The following LRRC27 variants were observed in gnomAD, a reference collection of about 807,000 sequenced individuals.
LRRC27 encodes leucine-rich repeat-containing protein 27.
A neutral mutation model predicts 55.0 loss-of-function variants in LRRC27; 57 were observed. The ratio of observed to expected loss-of-function variants is 1.04; its 90% confidence interval spans 0.84 to 1.29. The LOEUF is 1.29. Ranked by LOEUF, LRRC27 falls within the 50% of genes most tolerant of loss-of-function variation. The pLI is 0.00. For missense variants in LRRC27, 721 were observed against 651.5 expected (o/e 1.11, Z -1.16); for synonymous variants, 278 against 251.9 (o/e 1.10, Z -0.98).
At chr10:132,344,417 A>C (rs2067572307) in intron 4 of LRRC27, 81 bp from the exon 5 acceptor site, 1 of 1,387,748 alleles carries the variant, frequency 7.2e-7, no homozygotes, top group Non-Finnish European at 9.8e-7. Flanking sequence ...TAAAATGTGA[A>C]AAGTTACTAT....
Position 132,333,571 on chromosome 10 carries a change from A to T in LRRC27, c.47A>T (p.Asp16Val). 5 of 1,611,378 alleles carry T rather than the reference A, an allele frequency of 3.1e-6. No homozygotes were observed. Among genetic ancestry groups the T allele is most frequent in the Non-Finnish European group, 4.2e-6 (5 of 1,179,414 alleles). Residue 16 changes from aspartate (D) to valine (V), a missense_variant, in exon 2 of 11, where the codon GAT (aspartate) becomes GTT (valine). Transcript: ENST00000368614. ...SYEVPSVAAA[D>V]LEEGAGQTRS... The stretch of plus-strand genomic sequence containing the variant: ...GAAGTTCCCTCTGTGGCTGCTGCTG[A>T]TCTGGAGGAGGGTGCTGGTCAGACT...
In LRRC27 at chr10:132,344,170, G is replaced by C. The variant is rs1317889689; in HGVS notation, c.401-328G>C. On this transcript the variant is annotated intron_variant, in intron 4 of 10. Coordinates refer to ENST00000368614, the MANE Select transcript of LRRC27 (RefSeq NM_030626.3). ...CATTTTCCTTTTCTTTGCATGTCTGGTAGTTTTTATGTGGAAAATGGGCAT... is the reference window on the plus strand; with the variant it reads ...CATTTTCCTTTTCTTTGCATGTCTGCTAGTTTTTATGTGGAAAATGGGCAT... Among the ~76,000 whole-genome samples the C allele has an allele frequency of 2.0e-5, 3 of 152,110 alleles. No homozygotes were observed. The South Asian group carries it at 6.2e-4, about 31-fold the overall frequency.
intron 5 of LRRC27, among the ~76,000 whole-genome samples, chr10:132,346,486 C>G (rs1403278006): frequency 1.3e-5 from 2 of 152,120 alleles, no homozygotes; most frequent in Non-Finnish European, 2.9e-5. Flanking sequence ...ACCATCCTGG[C>G]TAACATGGTG....
intron 9 of LRRC27, among the ~76,000 whole-genome samples, chr10:132,361,896 G>T (rs924996648): frequency 2.0e-5 from 3 of 151,962 alleles, no homozygotes; most frequent in African/African-American, 7.3e-5. Flanking sequence ...AGATCCACCC[G>T]CTGCAGTCCC....
At chr10:132,365,400 C>T (rs777735312) in intron 9 of LRRC27, 24 bp from the exon 10 acceptor site, 42 of 1,612,454 alleles carry the variant, frequency 2.6e-5, no homozygotes, top group South Asian at 9.9e-5. Flanking sequence ...CAAGTCATTT[C>T]CCTCTTTGCC....
At chr10:132,351,373 C>T in intron 6 of LRRC27, 1 of 497,108 alleles carries the variant, frequency 2.0e-6, no homozygotes, top group Non-Finnish European at 3.6e-6. Flanking sequence ...GGGAAAGTAG[C>T]TGGCTGGCAG....
chr10:132,380,483 G>C lies in LRRC27; in HGVS notation c.*5241G>C, dbSNP rs570035772. Among the ~76,000 whole-genome samples, 3 of 152,140 alleles carry C rather than the reference G, an allele frequency of 2.0e-5. No homozygotes were observed. Among genetic ancestry groups the C allele is most frequent in the Admixed American group, 1.3e-4 (2 of 15,292 alleles). On this transcript the variant is annotated 3_prime_UTR_variant, in exon 11 of 11. Coordinates refer to ENST00000368614, the MANE Select transcript of LRRC27 (RefSeq NM_030626.3). ...GAGCGGTTCATGTCTTCAGTACATTGTGTATCACGGTAAAAAGTGATCTGT... is the reference window on the plus strand; with the variant it reads ...GAGCGGTTCATGTCTTCAGTACATTCTGTATCACGGTAAAAAGTGATCTGT...
At chr10:132,352,154 AGGCCTCCGTGTGGGGCAGGCG>A (rs2068063756) in intron 7 of LRRC27, among the ~76,000 whole-genome samples, 2 of 82,596 alleles carry the variant, frequency 2.4e-5, no homozygotes, top group African/African-American at 8.1e-5. Context: ...GCAGGCGCTG[AGGCCTCCGTGTGGGGCAGGCG>A]CTGAGGCCTC....
chr10:132,337,291 A>G, intron 2 of LRRC27: 1 of 1,258,282 alleles, frequency 7.9e-7, no homozygotes, highest in Non-Finnish European at 1.0e-6. Flanking sequence ...TTGGGATAGA[A>G]ACAGTGGTGT....
At chr10:132,364,966 C>G (rs1352980194) in intron 9 of LRRC27, among the ~76,000 whole-genome samples, 1 of 152,212 alleles carries the variant, frequency 6.6e-6, no homozygotes, top group Admixed American at 6.5e-5. Context: ...GAACCCCAAA[C>G]CCCTGAGCCC....
rs151238521 is a variant in LRRC27 at position 132,365,541 on chromosome 10, T to A, written c.1407T>A (p.Asp469Glu). ...PLEEMRKAAE[D>E]LEIATELQDE... The stretch of plus-strand genomic sequence containing the variant: ...AGGAGATGAGGAAGGCTGCCGAGGA[T>A]CTGGAAATTGTAAGGATTTCTTGGT... Residue 469 changes from aspartate (D) to glutamate (E), a missense_variant, in exon 10 of 11, where the codon GAT (aspartate) becomes GAA (glutamate). Physicochemically the swap from Asp to Glu is conservative, Grantham distance 45. Coordinates refer to ENST00000368614, the MANE Select transcript of LRRC27 (RefSeq NM_030626.3). 6.2e-7 allele frequency: 1 copy of A among 1,613,102 alleles called. No individual in the cohort carries two copies. The highest frequency in any genetic ancestry group is 1.3e-5 in the African/African-American group (1 of 74,902).
intron 10 of LRRC27, chr10:132,366,785 G>T: frequency 8.7e-7 from 1 of 1,155,570 alleles, no homozygotes; most frequent in South Asian, 1.6e-5. Flanking sequence ...TGGCCTTCCT[G>T]TCCCCACACC....
chr10:132,350,554 C>G (rs146256656), intron 6 of LRRC27: 3 of 152,232 alleles, frequency 2.0e-5, no homozygotes, highest in African/African-American at 7.2e-5. Context: ...ATGGGGAAGA[C>G]GAGGGACAGT....
chr10:132,335,475 T>TGG (rs59837689), intron 2 of LRRC27, among the ~76,000 whole-genome samples: 73 of 140,404 alleles, frequency 5.2e-4, no homozygotes, highest in African/African-American at 2.0e-3. Context: ...CTGAGTACTA[T>TGG]GGGGGGGGGT....
chr10:132,349,100 G>C (rs2132911389), intron 6 of LRRC27: 2 of 1,272,430 alleles, frequency 1.6e-6, no homozygotes, highest in South Asian at 2.5e-5. Context: ...CATGTGGTGT[G>C]TGTGCCTGTG....
intron 4 of LRRC27, among the ~76,000 whole-genome samples, 178 bp downstream of exon 4, chr10:132,342,449 T>C (rs1030368364): frequency 1.3e-5 from 2 of 152,200 alleles, no homozygotes; most frequent in African/African-American, 2.4e-5. Flanking sequence ...CACGTACTGT[T>C]CTTATGGAGG....
At chr10:132,358,194 A>T (rs1302981119) in intron 8 of LRRC27, among the ~76,000 whole-genome samples, 1 of 152,252 alleles carries the variant, frequency 6.6e-6, no homozygotes, top group Non-Finnish European at 1.5e-5. Flanking sequence ...TCCACAGAAG[A>T]GGAAATCCAA....
chr10:132,349,113 T>C, intron 6 of LRRC27: 1 of 1,176,388 alleles, frequency 8.5e-7, no homozygotes, highest in Non-Finnish European at 1.2e-6. Context: ...TGCCTGTGTG[T>C]GTGTAAACAT....
Position 132,375,087 on chromosome 10 carries a change from G to A in LRRC27, c.1438G>A (p.Val480Ile). ...LEIATELQDE[V>I]LKLKLGLTLN... ...TAAGGCCACAGAGCTACAGGATGAA[G>A]TATTGAAGCTAAAATTGGGATTAAC... The change falls in exon 11 of 11, where the codon GTA (valine) becomes ATA (isoleucine). Residue 480 changes from valine to isoleucine, a missense_variant. Coordinates refer to ENST00000368614, the MANE Select transcript of LRRC27 (RefSeq NM_030626.3). 1 of 1,613,712 alleles carries A rather than the reference G, an allele frequency of 6.2e-7. No individual in the cohort carries two copies. Among genetic ancestry groups the A allele is most frequent in the Non-Finnish European group, 8.5e-7 (1 of 1,179,836 alleles).
Sources: gnomAD v4.1 joint callset for allele counts (sites outside exome capture counted in the v4.1 genomes callset) on GRCh38, gnomAD v4.1.1 for gene constraint, MANE v1.5 for transcripts, NCBI Gene and HGNC (gene_info 2026-07-23, HGNC 2026-07-21) for gene names.